The following VPS13D variants were observed in gnomAD, a reference collection of about 807,000 sequenced individuals.
VPS13D encodes the protein vacuolar protein sorting 13 homolog D, also known as intermembrane lipid transfer protein VPS13D.
In VPS13D, 187 loss-of-function variants were observed where a neutral mutation model predicts 461.9. The observed-to-expected ratio is 0.40, with a 90% CI of 0.36 to 0.46. The LOEUF (loss-of-function observed/expected upper bound fraction) is 0.46. VPS13D is among the 20% of genes least tolerant of loss of function. VPS13D has a pLI of 0.60. For synonymous variants in VPS13D, 1,951 were observed against 1,986.3 expected (o/e 0.98, Z 0.47); for missense variants, 4,711 against 5,364.9 (o/e 0.88, Z 3.81).
Position 12,253,827 on chromosome 1 carries a change from G to T in VPS13D, c.669+1G>T. On this transcript the variant is annotated splice_donor_variant, in intron 7 of 69. Coordinates refer to ENST00000620676, the MANE Select transcript of VPS13D (RefSeq NM_015378.4). LOFTEE classifies it high-confidence loss of function. ...GGATTTGCCTCAGATGGAGTTACAG[G>T]TACGATTTCGGCAGGGAGATTTGTT... is the stretch of plus-strand genomic sequence containing the variant. 2 of 1,613,202 alleles carry T rather than the reference G, an allele frequency of 1.2e-6. No homozygotes were observed. The highest frequency in any genetic ancestry group is 1.7e-6 in the Non-Finnish European group (2 of 1,179,274).
At chr1:12,288,142 C>G in intron 21 of VPS13D, 81 bp from the exon 22 acceptor site, 1 of 1,226,364 alleles carries the variant, frequency 8.2e-7, no homozygotes, top group Non-Finnish European at 1.2e-6. Flanking sequence ...TTTGCATTTT[C>G]CTTGATTGCT....
intron 67 of VPS13D, among the ~76,000 whole-genome samples, chr1:12,477,976 T>A (rs776867441): frequency 7.6e-4 from 115 of 152,002 alleles, no homozygotes; most frequent in Admixed American, 1.4e-3. Flanking sequence ...CAAGTGGGGG[T>A]GCACTGTAGG....
In VPS13D at chr1:12,356,517, C is replaced by T. The variant is rs1157998196; in HGVS notation, c.9991C>T (p.Pro3331Ser). ...ATTCTGCTATGCTGACAAAGAGCAG[C>T]CAAACCTGTGAGTACAGTTATTTAT... ...LLFCYADKEQ[P>S]NLCTMRIGRG... The change falls in exon 49 of 70, where the codon CCA (proline) becomes TCA (serine). Residue 3331 changes from proline to serine, a missense_variant. By Grantham distance (74) the Pro-to-Ser change is moderately conservative. Coordinates refer to ENST00000620676, the MANE Select transcript of VPS13D (RefSeq NM_015378.4). 1 of 1,612,920 alleles carries T rather than the reference C, an allele frequency of 6.2e-7. No individual in the cohort carries two copies. Among genetic ancestry groups the T allele is most frequent in the Non-Finnish European group, 8.5e-7 (1 of 1,179,680 alleles).
At chr1:12,313,780 T>C (rs1642819714) in intron 29 of VPS13D, among the ~76,000 whole-genome samples, 1 of 152,132 alleles carries the variant, frequency 6.6e-6, no homozygotes, top group Non-Finnish European at 1.5e-5. Context: ...TTGACATCCT[T>C]TGGGGATATA....
At chr1:12,353,540 A>C (rs905760587) in intron 46 of VPS13D, among the ~76,000 whole-genome samples, 9 of 151,050 alleles carry the variant, frequency 6.0e-5, no homozygotes, top group Non-Finnish European at 1.5e-5. Context: ...CTCAAAAAAA[A>C]AAAAAAAAAA....
chr1:12,360,618 G>T (rs1475861211), intron 50 of VPS13D, among the ~76,000 whole-genome samples: 1 of 152,150 alleles, frequency 6.6e-6, no homozygotes, highest in Non-Finnish European at 1.5e-5. Context: ...CTATGATAAT[G>T]TTGATTTCTG....
chr1:12,468,868 A>G (rs528931100), intron 67 of VPS13D, among the ~76,000 whole-genome samples: 5 of 152,174 alleles, frequency 3.3e-5, no homozygotes, highest in Non-Finnish European at 5.9e-5. Context: ...CCCTGTCTCT[A>G]TAAAAATATA....
Position 12,386,277 on chromosome 1 carries a change from G to T in VPS13D, c.11577G>T (p.Val3859=), listed in dbSNP as rs183347742. ...LVFASLTGIN[V]HYTQLATSHM... ...TTGCAAGTCTTACAGGAATCAATGT[G>T]CACTATACACAGCTGGCAACCAGTC... is the stretch of plus-strand genomic sequence containing the variant. The change falls in exon 60 of 70, where the codon GTG becomes GTT. Residue 3859 remains valine, a synonymous_variant. Transcript: ENST00000620676. 1 of 1,613,276 alleles carries T rather than the reference G, an allele frequency of 6.2e-7. No individual in the cohort carries two copies. Among genetic ancestry groups the T allele is most frequent in the Non-Finnish European group, 8.5e-7 (1 of 1,179,714 alleles).
At chr1:12,377,067 T>C (rs1250760872) in intron 55 of VPS13D, among the ~76,000 whole-genome samples, 1 of 151,902 alleles carries the variant, frequency 6.6e-6, no homozygotes, top group African/African-American at 2.4e-5. Flanking sequence ...TTCTTTCTTT[T>C]TTTTTTTTTG....
chr1:12,349,891 G>A (rs544540731), intron 46 of VPS13D, among the ~76,000 whole-genome samples: 23 of 152,238 alleles, frequency 1.5e-4, no homozygotes, highest in African/African-American at 5.5e-4. Context: ...AATAATACTG[G>A]ATTGCTATGT....
chr1:12,435,322 G>C (rs1189939929), intron 65 of VPS13D, among the ~76,000 whole-genome samples: 1 of 151,950 alleles, frequency 6.6e-6, no homozygotes, highest in Admixed American at 6.6e-5. Flanking sequence ...TTAGCTGGGC[G>C]TGGTGGCACC....
rs1180917980 is a variant in VPS13D, at chr1:12,311,872, A to G, written c.6882A>G (p.Val2294=). The part of the protein sequence containing the change: ...CMCFLIDMVN[V]SLELKDPKRK... ...GCTTCCTCATTGATATGGTGAATGT[A>G]AGTCTGGAGCTTAAAGATCCAAAAA... is the stretch of plus-strand genomic sequence containing the variant. Residue 2294 remains valine (V), a synonymous_variant, in exon 29 of 70, where the codon GTA becomes GTG. Transcript: ENST00000620676. 2 of 1,614,174 alleles carry G rather than the reference A, an allele frequency of 1.2e-6. No homozygotes were observed. Among genetic ancestry groups the G allele is most frequent in the South Asian group, 2.2e-5 (2 of 91,082 alleles).
chr1:12,231,231 G>C (rs1639964510), intron 1 of VPS13D, among the ~76,000 whole-genome samples: 1 of 152,232 alleles, frequency 6.6e-6, no homozygotes, highest in African/African-American at 2.4e-5. Context: ...CAGCTGCCTA[G>C]AAGTCCTGAT....
At chr1:12,318,997 A>C (rs1199916186) in intron 31 of VPS13D, among the ~76,000 whole-genome samples, 1 of 152,222 alleles carries the variant, frequency 6.6e-6, no homozygotes, top group Non-Finnish European at 1.5e-5. Context: ...TTACTATTAA[A>C]TATATACACA....
Position 12,268,740 on chromosome 1 carries a change from G to A in VPS13D, c.1836G>A (p.Leu612=), listed in dbSNP as rs1367990108. 1.2e-6 allele frequency: 2 copies of A among 1,613,964 alleles called. No individual in the cohort carries two copies. Among genetic ancestry groups the A allele is most frequent in the South Asian group, 2.2e-5 (2 of 91,056 alleles). ...ADPDGPVFEM[L]YERNPAHSHF... ...CAGATGGCCCCGTTTTTGAGATGCT[G>A]TATGAGAGAAATCCGGCGCACAGCC... is the stretch of plus-strand genomic sequence containing the variant. Residue 612 remains leucine (L), a synonymous_variant, in exon 16 of 70, where the codon CTG becomes CTA. Transcript: ENST00000620676.
intron 23 of VPS13D, among the ~76,000 whole-genome samples, chr1:12,291,797 T>A (rs1344799951): frequency 6.6e-6 from 1 of 152,250 alleles, no homozygotes; most frequent in Non-Finnish European, 1.5e-5. Flanking sequence ...ATTAGAACAT[T>A]TCTGAGCTTC....
chr1:12,347,936 A>C (rs1643711434), intron 44 of VPS13D, among the ~76,000 whole-genome samples: 1 of 152,236 alleles, frequency 6.6e-6, no homozygotes, highest in South Asian at 2.1e-4. Context: ...TAATGGCGGT[A>C]ACCCAAGACC....
intron 39 of VPS13D, chr1:12,337,632 A>T (rs1643480209): frequency 6.6e-6 from 1 of 152,272 alleles, no homozygotes; most frequent in Admixed American, 6.5e-5. Context: ...GTGGCACTTC[A>T]TTGAATTTAT....
intron 7 of VPS13D, among the ~76,000 whole-genome samples, chr1:12,255,462 G>T (rs1375706216): frequency 6.6e-6 from 1 of 152,164 alleles, no homozygotes; most frequent in Non-Finnish European, 1.5e-5. Context: ...AATGGCTTGG[G>T]TGGGAGACAT....
Sources: gnomAD v4.1 joint callset for allele counts (sites outside exome capture counted in the v4.1 genomes callset) on GRCh38, gnomAD v4.1.1 for gene constraint, MANE v1.5 for transcripts, NCBI Gene and HGNC (gene_info 2026-07-23, HGNC 2026-07-21) for gene names.